HEPH: variants seen among roughly 807,000 people sequenced by gnomAD.
HEPH encodes the protein hephaestin.
Under a neutral mutation model 80.8 loss-of-function variants are expected in HEPH, and 69 were observed. That is an observed-to-expected ratio of 0.85 (90% CI 0.70 to 1.04). HEPH has a LOEUF of 1.04. HEPH is among the 50% of genes least tolerant of loss of function. The pLI, the probability that HEPH is intolerant of heterozygous loss-of-function variation, is 0.00. For missense variants in HEPH, 1,115 were observed against 891.3 expected (o/e 1.25, Z -3.20); for synonymous variants, 431 against 322.8 (o/e 1.34, Z -3.60).
At chrX:66,202,980 A>G (rs1409270558) in intron 12 of HEPH, among the ~76,000 whole-genome samples, 1 of 104,716 alleles carries the variant, frequency 9.5e-6, no homozygotes, top group African/African-American at 3.5e-5. Context: ...ATATATGTAT[A>G]TATATATGAT....
intron 15 of HEPH, among the ~76,000 whole-genome samples, chrX:66,251,848 A>G (rs2091016653): frequency 8.9e-6 from 1 of 112,252 alleles, no homozygotes; most frequent in South Asian, 3.7e-4. Context: ...AAGAATGATA[A>G]GTAAGATCAT....
At chrX:66,171,962 G>C (rs2086613375) in intron 2 of HEPH, among the ~76,000 whole-genome samples, 1 of 111,847 alleles carries the variant, frequency 8.9e-6, no homozygotes, top group Non-Finnish European at 1.9e-5. Context: ...CAAGTGGCTT[G>C]GCTCCAAAGC....
chrX:66,232,303 A>T (rs778213655), intron 15 of HEPH, among the ~76,000 whole-genome samples: 227 of 111,400 alleles, frequency 2.0e-3, no homozygotes, highest in African/African-American at 7.2e-3. Context: ...AAAATGAGTT[A>T]GGGAGGATTC....
At chrX:66,260,046 A>G in intron 18 of HEPH, 54 bp from the exon 19 acceptor site, 2 of 1,125,337 alleles carry the variant, frequency 1.8e-6, no homozygotes, top group South Asian at 1.9e-5. Flanking sequence ...GAAAGCTCTA[A>G]GATGATTTTT....
chrX:66,245,186 A>T (rs767797320), intron 15 of HEPH, among the ~76,000 whole-genome samples: 21 of 111,327 alleles, frequency 1.9e-4, no homozygotes, highest in African/African-American at 6.8e-4. Context: ...CTGACTGGCA[A>T]ATTGGATAAA....
chrX:66,195,826 G>T (rs899385613), intron 9 of HEPH, among the ~76,000 whole-genome samples: 1 of 111,302 alleles, frequency 9.0e-6, no homozygotes, highest in African/African-American at 3.3e-5. Context: ...CTTGCATTTT[G>T]GATTACTGTA....
chrX:66,202,170 G>A (rs2088494319), intron 12 of HEPH, among the ~76,000 whole-genome samples: 1 of 111,575 alleles, frequency 9.0e-6, no homozygotes. Context: ...ATAGATACTT[G>A]GGGGTGGGGT....
chrX:66,218,069 C>T (rs2089474833), intron 15 of HEPH, among the ~76,000 whole-genome samples: 1 of 111,418 alleles, frequency 9.0e-6, no homozygotes, highest in Non-Finnish European at 1.9e-5. Context: ...AGGCAGACAG[C>T]AACAGAATAA....
chrX:66,229,359 C>G (rs1342511845), intron 15 of HEPH, among the ~76,000 whole-genome samples: 4 of 111,825 alleles, frequency 3.6e-5, no homozygotes, highest in African/African-American at 1.3e-4. Flanking sequence ...GAATGGAAAA[C>G]CAAATATCGT....
intron 4 of HEPH, among the ~76,000 whole-genome samples, chrX:66,178,772 G>A (rs1305723529): frequency 2.1e-4 from 23 of 111,921 alleles, no homozygotes; most frequent in Admixed American, 8.5e-4. Flanking sequence ...CATATCCTTC[G>A]CCCACTTTTT....
chrX:66,220,822 G>A (rs927570018), intron 15 of HEPH, among the ~76,000 whole-genome samples: 12 of 111,253 alleles, frequency 1.1e-4, no homozygotes, highest in African/African-American at 3.3e-4. Context: ...CTGTGGTCAT[G>A]GGAGGCTCAG....
At chrX:66,217,112 G>A (rs140807587) in intron 15 of HEPH, among the ~76,000 whole-genome samples, 2 of 111,188 alleles carry the variant, frequency 1.8e-5, no homozygotes, top group African/African-American at 6.5e-5. Flanking sequence ...CATATTTGAG[G>A]GAATAATAGA....
chrX:66,233,877 T>A (rs1368305186), intron 15 of HEPH, among the ~76,000 whole-genome samples: 3 of 111,245 alleles, frequency 2.7e-5, no homozygotes, highest in African/African-American at 9.8e-5. Flanking sequence ...ATGTTTTTAT[T>A]TTTATGTATT....
chrX:66,197,384 A>G (rs777376199), intron 9 of HEPH, among the ~76,000 whole-genome samples: 2 of 111,447 alleles, frequency 1.8e-5, no homozygotes, highest in East Asian at 5.6e-4. Context: ...TTTTCAAGTG[A>G]GAGATGTTCC....
intron 1 of HEPH, among the ~76,000 whole-genome samples, chrX:66,167,650 G>A (rs1281834597): frequency 8.9e-6 from 1 of 112,053 alleles, no homozygotes; most frequent in Non-Finnish European, 1.9e-5. Flanking sequence ...ATGTGTAGGT[G>A]TATGTGAGTA....
chrX:66,247,693 G>A (rs2090864462), intron 15 of HEPH, among the ~76,000 whole-genome samples: 1 of 111,624 alleles, frequency 9.0e-6, no homozygotes, highest in South Asian at 3.8e-4. Flanking sequence ...GTAAAAAGGA[G>A]TTGTGGGAAT....
At position 66,172,282 on chromosome X, in the gene HEPH, A is replaced by G; in HGVS notation, c.168-73A>G. On this transcript the variant is annotated intron_variant, in intron 2 of 20. Transcript: ENST00000343002. ...CAAAGATAGTCACTTTTTGGTCAGT[A>G]TCCTCTGGAAAAGGAACCTCTCAAG... The G allele has an allele frequency of 2.9e-6, 3 of 1,044,629 alleles. No homozygotes were observed. In the African/African-American group the frequency reaches 5.7e-5, roughly 20 times the overall value. The allele number at this position is 1,044,629 out of a possible 1,213,427, so 86.1% of individuals were successfully genotyped here. A position where few individuals can be genotyped will look rare whatever the true frequency, so the allele number is the denominator to read the frequency against.
At chrX:66,195,519 A>G (rs1005104135) in intron 9 of HEPH, among the ~76,000 whole-genome samples, 1 of 111,664 alleles carries the variant, frequency 9.0e-6, no homozygotes, top group African/African-American at 3.3e-5. Flanking sequence ...AGATTGTCAT[A>G]TAAATTTTGA....
chrX:66,197,845 GC>G lies in HEPH; in HGVS notation c.1667del (p.Pro556ArgfsTer115). On this transcript the variant is annotated frameshift_variant, in exon 10 of 21. Transcript: ENST00000343002. LOFTEE classifies it high-confidence loss of function. ...PIRDTNSGLV[G>X]PLLVCRAGAL... is the part of the protein sequence containing the mutation. ...AGAGACACAAATTCTGGCCTGGTGG[GC>G]CCGCTGCTGGTGTGCAGGGCTGGTG... 2 of 1,207,981 alleles carry G rather than the reference GC, an allele frequency of 1.7e-6. No individual in the cohort carries two copies. Among genetic ancestry groups the G allele is most frequent in the Non-Finnish European group, 2.2e-6 (2 of 893,640 alleles).
Sources: gnomAD v4.1 joint callset for allele counts (sites outside exome capture counted in the v4.1 genomes callset) on GRCh38, gnomAD v4.1.1 for gene constraint, MANE v1.5 for transcripts, NCBI Gene and HGNC (gene_info 2026-07-23, HGNC 2026-07-21) for gene names.